The following EYS variants were observed in gnomAD, a reference collection of about 807,000 sequenced individuals.
EYS encodes protein eyes shut homolog.
EYS carries 250 observed loss-of-function variants against 282.1 expected under a neutral mutation model. The observed-to-expected ratio is 0.89, with a 90% CI of 0.80 to 0.98. The LOEUF (loss-of-function observed/expected upper bound fraction) is 0.98, where lower values mean the gene tolerates loss of function less well. Among genes scored for constraint, EYS ranks in the 50% least tolerant of loss-of-function variants. The pLI is 0.00. For synonymous variants in EYS, 1,355 were observed against 1,282.9 expected, an observed-to-expected ratio of 1.06 and a Z score of -1.20; for missense variants, 4,016 against 3,709.0, an observed-to-expected ratio of 1.08 and a Z score of -2.15.
chr6:64,553,555 C>CCCT (rs1554177869), intron 26 of EYS, among the ~76,000 whole-genome samples: 3 of 137,934 alleles, frequency 2.2e-5, no homozygotes, highest in Non-Finnish European at 4.7e-5. Flanking sequence ...ACCCCCCCCC[C>CCCT]CCCATAGGCA....
intron 12 of EYS, among the ~76,000 whole-genome samples, chr6:65,167,033 AG>A (rs1436768575): frequency 2.0e-5 from 3 of 151,288 alleles, no homozygotes; most frequent in African/African-American, 7.3e-5. Flanking sequence ...AATTAAAAAA[AG>A]ATGTAACAAC....
chr6:64,300,005 A>G (rs564064395), intron 30 of EYS, among the ~76,000 whole-genome samples: 1 of 152,280 alleles, frequency 6.6e-6, no homozygotes, highest in South Asian at 2.1e-4. Context: ...GGTTTGCCTG[A>G]GTCCCCTCCT....
chr6:65,648,602 A>G (rs1279484705), intron 1 of EYS, among the ~76,000 whole-genome samples: 2 of 152,188 alleles, frequency 1.3e-5, no homozygotes, highest in Admixed American at 6.5e-5. Flanking sequence ...CATTGGGTAC[A>G]TTGTACACTG....
chr6:64,329,905 A>G (rs1035418159), intron 29 of EYS, among the ~76,000 whole-genome samples: 3 of 152,142 alleles, frequency 2.0e-5, no homozygotes, highest in Non-Finnish European at 1.5e-5. Context: ...TTATACATAA[A>G]GGATGCATTC....
intron 26 of EYS, among the ~76,000 whole-genome samples, chr6:64,490,777 T>C (rs1776714154): frequency 3.3e-5 from 5 of 150,868 alleles, no homozygotes; most frequent in Admixed American, 2.0e-4. Flanking sequence ...GAACTGAGAT[T>C]AGCATTAACC....
chr6:64,409,848 T>G (rs952944742), intron 28 of EYS, among the ~76,000 whole-genome samples: 2 of 152,018 alleles, frequency 1.3e-5, no homozygotes, highest in African/African-American at 4.8e-5. Context: ...AAATCTAAAT[T>G]TTTTTAAAGA....
At chr6:64,825,254 T>C (rs1765015836) in intron 19 of EYS, among the ~76,000 whole-genome samples, 1 of 151,918 alleles carries the variant, frequency 6.6e-6, no homozygotes, top group African/African-American at 2.4e-5. Context: ...AAAATTGCAT[T>C]CTCGTCTTAA....
chr6:64,877,210 G>T (rs1766774948), intron 19 of EYS, among the ~76,000 whole-genome samples: 1 of 152,142 alleles, frequency 6.6e-6, no homozygotes, highest in African/African-American at 2.4e-5. Flanking sequence ...TTTGGCCTGA[G>T]AAACTGGGTA....
At chr6:64,658,603 GT>G (rs1768854595) in intron 22 of EYS, among the ~76,000 whole-genome samples, 1 of 152,202 alleles carries the variant, frequency 6.6e-6, no homozygotes, top group Non-Finnish European at 1.5e-5. Context: ...GTCTGTTGGA[GT>G]TTGCTGGAGA....
intron 41 of EYS, among the ~76,000 whole-genome samples, chr6:63,727,182 G>C (rs1333792758): frequency 2.0e-5 from 3 of 151,226 alleles, no homozygotes; most frequent in Non-Finnish European, 4.4e-5. Flanking sequence ...GTGTATAACT[G>C]ACCCAATGGG....
chr6:65,441,870 T>C (rs918641383), intron 5 of EYS, among the ~76,000 whole-genome samples: 14 of 152,088 alleles, frequency 9.2e-5, no homozygotes, highest in African/African-American at 3.4e-4. Flanking sequence ...TGCTCAGACA[T>C]ATCAAGGAAT....
At chr6:63,857,607 G>A in intron 36 of EYS, 1 of 390,336 alleles carries the variant, frequency 2.6e-6, no homozygotes, top group South Asian at 2.1e-5. Flanking sequence ...CGTGTGATGG[G>A]GTCCACGTGT....
chr6:64,659,677 C>T (rs1161412878), intron 22 of EYS, among the ~76,000 whole-genome samples: 2 of 152,072 alleles, frequency 1.3e-5, no homozygotes, highest in African/African-American at 4.8e-5. Flanking sequence ...CCTCCCAAGA[C>T]TAAACCAGGA....
At chr6:63,741,843 T>A in intron 41 of EYS, 1 of 680,564 alleles carries the variant, frequency 1.5e-6, no homozygotes, top group Non-Finnish European at 2.7e-6. Context: ...CTGACTCAAA[T>A]TTAGAAAGCT....
intron 34 of EYS, among the ~76,000 whole-genome samples, chr6:63,996,614 G>A (rs762960420): frequency 1.3e-5 from 2 of 152,078 alleles, no homozygotes; most frequent in East Asian, 3.9e-4. Flanking sequence ...AGACCACATA[G>A]TTTTGGTTAA....
intron 1 of EYS, among the ~76,000 whole-genome samples, chr6:65,648,468 C>T (rs1483984950): frequency 2.6e-5 from 4 of 152,076 alleles, no homozygotes; most frequent in African/African-American, 9.7e-5. Context: ...GAAAGCCAAA[C>T]ATCGTATGTT....
At chr6:64,677,384 T>C (rs190048275) in intron 22 of EYS, among the ~76,000 whole-genome samples, 1 of 152,334 alleles carries the variant, frequency 6.6e-6, no homozygotes, top group Non-Finnish European at 1.5e-5. Flanking sequence ...TTTTACCATT[T>C]GCTAACTCAG....
chr6:65,194,434 A>G (rs1224421961), intron 12 of EYS, among the ~76,000 whole-genome samples: 1 of 151,924 alleles, frequency 6.6e-6, no homozygotes, highest in Non-Finnish European at 1.5e-5. Flanking sequence ...TAAAATACTA[A>G]TGTATTATTT....
At chr6:63,772,857 T>C (rs1189076514) in intron 40 of EYS, among the ~76,000 whole-genome samples, 3 of 152,082 alleles carry the variant, frequency 2.0e-5, no homozygotes, top group African/African-American at 7.2e-5. Context: ...TTATAAATTG[T>C]GTGTGTGTAA....
Sources: allele counts gnomAD v4.1 joint callset (sites outside exome capture counted in the v4.1 genomes callset), GRCh38; gene constraint gnomAD v4.1.1; transcripts MANE v1.5; gene names NCBI Gene and HGNC (gene_info 2026-07-23, HGNC 2026-07-21).